DYNC2H1: variants seen among roughly 807,000 people sequenced by gnomAD.
DYNC2H1 encodes dynein cytoplasmic 2 heavy chain 1, also known as cytoplasmic dynein 2 heavy chain 1.
A neutral mutation model predicts 570.0 loss-of-function variants in DYNC2H1; 410 were observed. That is an observed-to-expected ratio of 0.72 (90% confidence interval 0.66 to 0.78). DYNC2H1 has a LOEUF of 0.78. Ranked by LOEUF, DYNC2H1 falls within the 30% of genes least tolerant of loss-of-function variation. The pLI, the probability that DYNC2H1 is intolerant of heterozygous loss-of-function variation, is 0.00. For missense variants in DYNC2H1, 4,865 were observed against 5,046.4 expected, an observed-to-expected ratio of 0.96 and a Z score of 1.09; for synonymous variants, 1,688 against 1,677.6, an observed-to-expected ratio of 1.01 and a Z score of -0.15.
chr11:103,356,279 T>C (rs1337192965), intron 82 of DYNC2H1, among the ~76,000 whole-genome samples: 1 of 152,206 alleles, frequency 6.6e-6, no homozygotes, highest in East Asian at 1.9e-4. Context: ...ATACAAGTTA[T>C]AGCCCTGTCC....
intron 63 of DYNC2H1, among the ~76,000 whole-genome samples, chr11:103,238,237 T>C (rs1158533032): frequency 6.6e-6 from 1 of 152,142 alleles, no homozygotes; most frequent in Non-Finnish European, 1.5e-5. Context: ...TGATAAATAA[T>C]ATGCATTTGT....
intron 84 of DYNC2H1, among the ~76,000 whole-genome samples, chr11:103,401,093 C>T (rs1478613480): frequency 3.3e-5 from 5 of 152,066 alleles, no homozygotes; most frequent in East Asian, 3.9e-4. Context: ...TTAATTAACT[C>T]GTTTAATCAT....
chr11:103,447,582 T>C (rs1194967099), intron 85 of DYNC2H1, among the ~76,000 whole-genome samples: 2 of 152,144 alleles, frequency 1.3e-5, no homozygotes, highest in Admixed American at 1.3e-4. Context: ...GTATCCATCA[T>C]GCCATTACCA....
intron 84 of DYNC2H1, among the ~76,000 whole-genome samples, chr11:103,411,082 C>T (rs1042156518): frequency 1.3e-5 from 2 of 152,132 alleles, no homozygotes; most frequent in African/African-American, 4.8e-5. Flanking sequence ...CCCATCTAGA[C>T]ATTTTCAGTG....
At chr11:103,183,850 G>C (rs1007545069) in intron 40 of DYNC2H1, among the ~76,000 whole-genome samples, 5 of 151,552 alleles carry the variant, frequency 3.3e-5, no homozygotes, top group African/African-American at 1.2e-4. Context: ...TAAGCACAGC[G>C]ATGTTTTTAA....
intron 17 of DYNC2H1, among the ~76,000 whole-genome samples, chr11:103,140,796 A>G (rs1024340972): frequency 1.3e-5 from 2 of 152,154 alleles, no homozygotes; most frequent in African/African-American, 4.8e-5. Flanking sequence ...ATCCTGCAGA[A>G]TGTTTTCCAA....
intron 84 of DYNC2H1, among the ~76,000 whole-genome samples, chr11:103,435,643 G>T (rs1228528385): frequency 6.6e-6 from 1 of 151,982 alleles, no homozygotes; most frequent in East Asian, 1.9e-4. Context: ...AAATGAATTT[G>T]TCAAATTTAA....
chr11:103,235,862 C>T (rs1333456485), intron 62 of DYNC2H1, 49 bp downstream of exon 62: 1 of 1,595,516 alleles, frequency 6.3e-7, no homozygotes, highest in Non-Finnish European at 8.5e-7. Flanking sequence ...TTAGTTATTC[C>T]TGAATTTAAA....
intron 85 of DYNC2H1, among the ~76,000 whole-genome samples, chr11:103,447,897 A>G (rs865894454): frequency 2.4e-4 from 37 of 152,100 alleles, no homozygotes; most frequent in African/African-American, 8.9e-4. Context: ...TTGACATCCA[A>G]ATAATAACCA....
chr11:103,421,406 C>T (rs1943484704), intron 84 of DYNC2H1, among the ~76,000 whole-genome samples: 1 of 152,144 alleles, frequency 6.6e-6, no homozygotes, highest in Non-Finnish European at 1.5e-5. Flanking sequence ...ATACATTCTT[C>T]TCATTGCCAC....
rs1866352940 is a variant in DYNC2H1 at position 103,286,365 on chromosome 11, G to A, written c.11001G>A (p.Lys3667=). 5.0e-6 allele frequency: 8 copies of A among 1,612,136 alleles called. No homozygotes were observed. The highest frequency in any genetic ancestry group is 6.8e-6 in the Non-Finnish European group (8 of 1,179,480). Residue 3667 remains lysine (K), a synonymous_variant, in exon 74 of 89, where the codon AAG becomes AAA. Transcript: ENST00000375735. ...AAGAGTTTCCATCTATCCTTGCAAAGAAAGTTTCCTTATTTCAGCAGGTAA... is the reference window on the plus strand; with the variant it reads ...AAGAGTTTCCATCTATCCTTGCAAAAAAAGTTTCCTTATTTCAGCAGGTAA... ...CEQEFPSILA[K]KVSLFQQILV...
At chr11:103,128,889 A>G in intron 12 of DYNC2H1, 21 bp from the exon 13 acceptor site, 1 of 1,501,108 alleles carries the variant, frequency 6.7e-7, no homozygotes. Context: ...AATTATTACT[A>G]ATTGGACTTT....
chr11:103,262,551 ATTCCTAAAGAAAAGAATTT>A (rs1334029317), intron 70 of DYNC2H1, among the ~76,000 whole-genome samples: 1 of 152,210 alleles, frequency 6.6e-6, no homozygotes, highest in African/African-American at 2.4e-5. Flanking sequence ...AATATTCAAC[ATTCCTAAAGAAAAGAATTT>A]TCAACCCATA....
At chr11:103,437,091 CTCTT>C (rs1944090248) in intron 85 of DYNC2H1, among the ~76,000 whole-genome samples, 2 of 152,118 alleles carry the variant, frequency 1.3e-5, no homozygotes, top group South Asian at 4.1e-4. Flanking sequence ...ATGTTCTTCA[CTCTT>C]TCTTGAAGAC....
Position 103,109,649 on chromosome 11 carries a change from T to C in DYNC2H1, c.75T>C (p.Ser25=), listed in dbSNP as rs1440245548. The part of the protein sequence containing the change: ...TTTQNYFGLM[S]ELWDQPLLCN... Reference sequence around the variant, plus strand: ...CCCAGAATTACTTCGGGTTGATGTCTGAACTCTGGGATCAGCCACTGTTGT... The same window carrying C: ...CCCAGAATTACTTCGGGTTGATGTCCGAACTCTGGGATCAGCCACTGTTGT... The change falls in exon 1 of 89, where the codon TCT becomes TCC. Residue 25 remains serine (S), a synonymous_variant. Coordinates refer to ENST00000375735, the MANE Select transcript of DYNC2H1 (RefSeq NM_001377.3). 1.9e-6 allele frequency: 3 copies of C among 1,614,016 alleles called. No homozygotes were observed. Among genetic ancestry groups the C allele is most frequent in the South Asian group, 2.2e-5 (2 of 91,086 alleles).
At chr11:103,357,231 T>G (rs1183324585) in intron 82 of DYNC2H1, among the ~76,000 whole-genome samples, 2 of 152,032 alleles carry the variant, frequency 1.3e-5, no homozygotes, top group Admixed American at 1.3e-4. Context: ...TAAGTATTAT[T>G]TTAGAAAAAA....
At chr11:103,265,024 C>T (rs1368269358) in intron 70 of DYNC2H1, among the ~76,000 whole-genome samples, 3 of 152,122 alleles carry the variant, frequency 2.0e-5, no homozygotes, top group Non-Finnish European at 4.4e-5. Context: ...AGCAAAGTCT[C>T]AGGATACAAA....
At chr11:103,401,298 T>C (rs1311170149) in intron 84 of DYNC2H1, among the ~76,000 whole-genome samples, 5 of 152,206 alleles carry the variant, frequency 3.3e-5, no homozygotes. Context: ...CTTGAGAGTA[T>C]ATTTCTTTAT....
At chr11:103,166,129 G>A in intron 31 of DYNC2H1, 81 bp downstream of exon 31, 4 of 1,216,026 alleles carry the variant, frequency 3.3e-6, no homozygotes, top group Non-Finnish European at 4.4e-6. Context: ...TTGTGTTTTT[G>A]ACTGTATATC....
Sources: allele counts gnomAD v4.1 joint callset (sites outside exome capture counted in the v4.1 genomes callset), GRCh38; gene constraint gnomAD v4.1.1; transcripts MANE v1.5; gene names NCBI Gene and HGNC (gene_info 2026-07-23, HGNC 2026-07-21).